The following PCCA variants were observed in gnomAD, a reference collection of about 807,000 sequenced individuals.
PCCA encodes the protein propionyl-CoA carboxylase subunit alpha, also known as propionyl-CoA carboxylase alpha chain, mitochondrial.
PCCA carries 74 observed loss-of-function variants against 101.3 expected under a neutral mutation model. That is an observed-to-expected ratio of 0.73 (90% confidence interval 0.61 to 0.89). PCCA has a LOEUF of 0.89. PCCA is among the 40% of genes least tolerant of loss of function. PCCA has a pLI of 0.00. For missense variants in PCCA, 891 were observed against 907.0 expected, an observed-to-expected ratio of 0.98 and a Z score of 0.23; for synonymous variants, 294 against 313.6, an observed-to-expected ratio of 0.94 and a Z score of 0.66.
intron 21 of PCCA, among the ~76,000 whole-genome samples, chr13:100,453,317 A>G (rs2081468399): frequency 6.6e-6 from 1 of 152,148 alleles, no homozygotes; most frequent in African/African-American, 2.4e-5. Flanking sequence ...CCTGGCCAAC[A>G]TGGTGAAACC....
intron 19 of PCCA, among the ~76,000 whole-genome samples, chr13:100,400,071 T>C (rs766326908): frequency 3.9e-5 from 6 of 152,222 alleles, no homozygotes; most frequent in Non-Finnish European, 8.8e-5. Context: ...AAAGGACGAC[T>C]GGGACTTGCT....
At chr13:100,346,604 G>A (rs1053466375) in intron 18 of PCCA, among the ~76,000 whole-genome samples, 4 of 152,160 alleles carry the variant, frequency 2.6e-5, no homozygotes, top group Non-Finnish European at 4.4e-5. Flanking sequence ...ATAAAGCAGC[G>A]GCAAGTTTTG....
chr13:100,512,459 G>A (rs1040721057), intron 21 of PCCA, among the ~76,000 whole-genome samples: 18 of 152,212 alleles, frequency 1.2e-4, no homozygotes, highest in African/African-American at 3.4e-4. Context: ...TCTCACTTAC[G>A]TGGTGAGCTG....
chr13:100,480,723 C>T (rs924492520), intron 21 of PCCA, among the ~76,000 whole-genome samples: 3 of 152,206 alleles, frequency 2.0e-5, no homozygotes, highest in Non-Finnish European at 2.9e-5. Context: ...CTCACCCATG[C>T]GCACTGAGTT....
chr13:100,089,153 G>T lies in PCCA; in HGVS notation c.33G>T (p.Leu11=), dbSNP rs922002208. Residue 11 remains leucine (L), a synonymous_variant, in exon 1 of 24, where the codon CTG becomes CTT. Transcript: ENST00000376285. The stretch of plus-strand genomic sequence containing the variant: ...GGTTCTGGGTCGGGACAGCACCGCT[G>T]GTCGCTGCCGGACGGCGTGGGCGGT... MAGFWVGTAP[L]VAAGRRGRWP... is the part of the protein sequence containing the mutation. 1.8e-5 allele frequency: 27 copies of T among 1,524,718 alleles called. No individual in the cohort carries two copies. Among genetic ancestry groups the T allele is most frequent in the Non-Finnish European group, 2.3e-5 (26 of 1,137,186 alleles). 94.4% of individuals were successfully genotyped at this position (1,524,718 alleles called of 1,614,324 possible). A position where few individuals can be genotyped will look rare whatever the true frequency, so the allele number is the denominator to read the frequency against.
At chr13:100,155,361 GA>G (rs1182587512) in intron 5 of PCCA, among the ~76,000 whole-genome samples, 1 of 152,064 alleles carries the variant, frequency 6.6e-6, no homozygotes, top group Non-Finnish European at 1.5e-5. Flanking sequence ...AATTTGCTAG[GA>G]AAAAAGAAAT....
intron 19 of PCCA, among the ~76,000 whole-genome samples, chr13:100,421,577 C>CT (rs1292324021): frequency 1.6e-3 from 234 of 147,172 alleles, no homozygotes; most frequent in African/African-American, 4.6e-3. Context: ...ACAACATTTC[C>CT]TTTTTTTTTT....
chr13:100,335,013 A>G (rs1291183485), intron 17 of PCCA, among the ~76,000 whole-genome samples: 1 of 152,212 alleles, frequency 6.6e-6, no homozygotes, highest in Non-Finnish European at 1.5e-5. Context: ...AAGAAAAGAA[A>G]GAAGATGCAA....
At chr13:100,368,679 C>A in intron 19 of PCCA, 105 bp downstream of exon 19, 1 of 738,094 alleles carries the variant, frequency 1.4e-6, no homozygotes, top group African/African-American at 1.8e-5. Flanking sequence ...ATTTGTAGTA[C>A]CTCTATGTAT....
chr13:100,422,653 T>C (rs908507554), intron 19 of PCCA, among the ~76,000 whole-genome samples: 1 of 152,202 alleles, frequency 6.6e-6, no homozygotes, highest in African/African-American at 2.4e-5. Flanking sequence ...ATATTGTTAG[T>C]CTTATCTATT....
At chr13:100,364,760 G>A (rs540766760) in intron 18 of PCCA, among the ~76,000 whole-genome samples, 1 of 152,102 alleles carries the variant, frequency 6.6e-6, no homozygotes, top group Non-Finnish European at 1.5e-5. Flanking sequence ...GAAAGAAATT[G>A]TTAGAAAAAG....
intron 17 of PCCA, among the ~76,000 whole-genome samples, chr13:100,339,858 A>T (rs911791274): frequency 2.0e-5 from 3 of 152,092 alleles, no homozygotes; most frequent in Non-Finnish European, 4.4e-5. Flanking sequence ...TTTCCTGGAG[A>T]TCTCTGTGTG....
chr13:100,274,273 T>C (rs2063494528), intron 12 of PCCA, among the ~76,000 whole-genome samples: 1 of 152,220 alleles, frequency 6.6e-6, no homozygotes, highest in South Asian at 2.1e-4. Flanking sequence ...ATTCGTTCTT[T>C]TGTGCCTGGC....
intron 6 of PCCA, among the ~76,000 whole-genome samples, chr13:100,197,886 G>C (rs923704126): frequency 1.3e-5 from 2 of 152,060 alleles, no homozygotes; most frequent in African/African-American, 4.8e-5. Flanking sequence ...TTTCATCCTG[G>C]TGCTAAACTG....
intron 21 of PCCA, among the ~76,000 whole-genome samples, chr13:100,511,960 AT>A (rs1395234844): frequency 6.6e-6 from 1 of 152,188 alleles, no homozygotes; most frequent in Non-Finnish European, 1.5e-5. Flanking sequence ...AAAGTGGGTC[AT>A]TCTTTGCTGT....
intron 21 of PCCA, chr13:100,491,561 A>G (rs1011094950): frequency 7.3e-6 from 5 of 681,264 alleles, no homozygotes. Context: ...CTCACTGCAA[A>G]CAGCTGCAAA....
At chr13:100,255,136 T>C (rs12430993) in intron 8 of PCCA, among the ~76,000 whole-genome samples, 63 of 152,228 alleles carry the variant, frequency 4.1e-4, no homozygotes, top group Middle Eastern at 3.4e-3. Context: ...AACATTTTTC[T>C]GTTTGGCTTG....
intron 16 of PCCA, among the ~76,000 whole-genome samples, chr13:100,316,389 G>A (rs927102790): frequency 2.0e-5 from 3 of 152,052 alleles, no homozygotes; most frequent in South Asian, 2.1e-4. Flanking sequence ...CGTGCTTGAT[G>A]GCTCTGTTCT....
At chr13:100,284,029 C>T (rs936082673) in intron 12 of PCCA, among the ~76,000 whole-genome samples, 36 of 151,910 alleles carry the variant, frequency 2.4e-4, no homozygotes, top group Admixed American at 1.2e-3. Context: ...CACTGAGCCC[C>T]CGGTATGTTT....
Sources: gnomAD v4.1 joint callset for allele counts (sites outside exome capture counted in the v4.1 genomes callset) on GRCh38, gnomAD v4.1.1 for gene constraint, MANE v1.5 for transcripts, NCBI Gene and HGNC (gene_info 2026-07-23, HGNC 2026-07-21) for gene names.